Variants in PLCE1 observed in about 807,000 individuals in gnomAD.
The protein encoded by PLCE1 is 1-phosphatidylinositol 4,5-bisphosphate phosphodiesterase epsilon-1.
A neutral mutation model predicts 242.8 loss-of-function variants in PLCE1; 119 were observed. The ratio of observed to expected loss-of-function variants is 0.49; its 90% CI spans 0.42 to 0.57. The LOEUF (loss-of-function observed/expected upper bound fraction) is 0.57, where lower values mean the gene tolerates loss of function less well. Ranked by LOEUF, PLCE1 falls within the 20% of genes least tolerant of loss-of-function variation. The probability of loss-of-function intolerance (pLI) is 0.00; values close to 1 mark genes in which losing one functional copy is unlikely to be tolerated. For missense variants in PLCE1, 2,441 were observed against 2,788.8 expected (o/e 0.88, Z 2.81); for synonymous variants, 945 against 1,017.4 (o/e 0.93, Z 1.35).
At chr10:94,192,794 C>T (rs2048709142) in intron 4 of PLCE1, among the ~76,000 whole-genome samples, 2 of 152,178 alleles carry the variant, frequency 1.3e-5, no homozygotes. Flanking sequence ...TACATTCTCA[C>T]CAACAATGCA....
At position 94,327,986 on chromosome 10, in the gene PLCE1, G is replaced by A. The variant is rs191878411; in HGVS notation, c.*43G>A. The stretch of plus-strand genomic sequence containing the variant: ...ATTACAGGTGAAGATCTTTAAGCAA[G>A]AAGTTAAAGAGTGAACATGGTGGAA... On this transcript the variant is annotated 3_prime_UTR_variant, in exon 33 of 33. Coordinates refer to ENST00000371380, the MANE Select transcript of PLCE1 (RefSeq NM_016341.4). 7.5e-6 allele frequency: 4 copies of A among 532,542 alleles called. No homozygotes were observed. The East Asian group carries it at 2.2e-4, about 29-fold the overall frequency. 33.0% of individuals were successfully genotyped at this position (532,542 alleles called of 1,614,324 possible).
chr10:94,024,335 T>C (rs2061423152), intron 1 of PLCE1, among the ~76,000 whole-genome samples: 1 of 152,190 alleles, frequency 6.6e-6, no homozygotes, highest in African/African-American at 2.4e-5. Flanking sequence ...GCAGTTACTT[T>C]AGTGTCTCTT....
At chr10:94,204,100 A>C (rs1010515651) in intron 4 of PLCE1, among the ~76,000 whole-genome samples, 2 of 152,172 alleles carry the variant, frequency 1.3e-5, no homozygotes, top group Non-Finnish European at 2.9e-5. Context: ...ATTTTTTTAA[A>C]TGGTAGAATA....
At chr10:94,181,436 C>T (rs1004011326) in intron 4 of PLCE1, among the ~76,000 whole-genome samples, 14 of 151,756 alleles carry the variant, frequency 9.2e-5, no homozygotes, top group African/African-American at 3.1e-4. Flanking sequence ...ATTAGCCGGG[C>T]GTGGTGGCAG....
At chr10:94,213,861 C>A (rs964766834) in intron 4 of PLCE1, among the ~76,000 whole-genome samples, 1 of 152,152 alleles carries the variant, frequency 6.6e-6, no homozygotes, top group South Asian at 2.1e-4. Context: ...CTCCAAGCAC[C>A]GGAGCCCTTC....
At position 94,329,471 on chromosome 10, in the gene PLCE1, A is replaced by G. The variant is rs549001186; in HGVS notation, c.*1528A>G. ...TCCCCATGTGTTTCTTGCATATTCT[A>G]AAAACAGAAGTGTTAAAAATACACC... On this transcript the variant is annotated 3_prime_UTR_variant, in exon 33 of 33. Coordinates refer to ENST00000371380, the MANE Select transcript of PLCE1 (RefSeq NM_016341.4). The G allele has an allele frequency of 7.9e-5, 12 of 152,306 alleles. No individual in the cohort carries two copies. The East Asian group carries it at 2.1e-3, about 27-fold the overall frequency. 9.4% of individuals were successfully genotyped at this position (152,306 alleles called of 1,614,324 possible).
rs58539480 is a variant in PLCE1 at position 94,306,473 on chromosome 10, C to T, written c.5669C>T (p.Pro1890Leu). 3,774 of 1,614,086 alleles carry T rather than the reference C, an allele frequency of 2.3e-3. 93 individuals carry two copies. In the African/African-American group the frequency reaches 0.043, roughly 18 times the overall value. ...NVCPSNSMGS[P>L]CIEVDVLGMP... ...TGCCCCAGTAATAGCATGGGAAGCC[C>T]GTGCATTGAAGTCGACGTCCTGGGC... The change falls in exon 26 of 33, where the codon CCG becomes CTG. Residue 1890 changes from proline to leucine, a missense_variant. Coordinates refer to ENST00000371380, the MANE Select transcript of PLCE1 (RefSeq NM_016341.4). This position sits in a 1 kb window ranked among gnomAD's most constrained non-coding sequence, Gnocchi z 5.7.
rs2050098919 is a variant in PLCE1 at position 94,230,307 on chromosome 10, C to CA, written c.1955+2861dup. ...AGGTAATGGAATATTATATAGCCAT[C>CA]AAAAATGATGTTTATAAAAAACAAA... On this transcript the variant is annotated intron_variant, in intron 5 of 32. Coordinates refer to ENST00000371380, the MANE Select transcript of PLCE1 (RefSeq NM_016341.4). Among the ~76,000 whole-genome samples the CA allele has an allele frequency of 4.6e-5, 7 of 152,170 alleles. No individual in the cohort carries two copies. In the South Asian group the frequency reaches 1.5e-3, roughly 32 times the overall value.
intron 1 of PLCE1, among the ~76,000 whole-genome samples, chr10:94,010,926 G>A (rs1241525592): frequency 6.6e-6 from 1 of 152,066 alleles, no homozygotes; most frequent in Non-Finnish European, 1.5e-5. Context: ...CCATCTTTCT[G>A]TCTTTTTCTG....
At chr10:94,000,361 A>G (rs1403281980) in intron 1 of PLCE1, among the ~76,000 whole-genome samples, 1 of 152,242 alleles carries the variant, frequency 6.6e-6, no homozygotes, top group East Asian at 1.9e-4. Context: ...TGTGCAAGAT[A>G]CTTGGCCTGT....
chr10:94,270,532 T>G lies in PLCE1; in HGVS notation c.4436T>G (p.Leu1479Arg). ...IDRSAFINSD[L>R]PIIISIENHC... is the part of the protein sequence containing the mutation. ...CGCAGTGCCTTCATCAACTCTGACC[T>G]GCCAATCATCATATCGATTGAGAAC... Residue 1479 changes from leucine (L) to arginine (R), a missense_variant, in exon 18 of 33, where the codon CTG becomes CGG. Physicochemically the swap from Leu to Arg is moderately radical, Grantham distance 102. Coordinates refer to ENST00000371380, the MANE Select transcript of PLCE1 (RefSeq NM_016341.4). 6.2e-7 allele frequency: 1 copy of G among 1,614,088 alleles called. No individual in the cohort carries two copies. The highest frequency in any genetic ancestry group is 8.5e-7 in the Non-Finnish European group (1 of 1,179,930).
At chr10:94,127,043 C>T (rs188067653) in intron 2 of PLCE1, among the ~76,000 whole-genome samples, 9 of 152,314 alleles carry the variant, frequency 5.9e-5, no homozygotes, top group Admixed American at 3.9e-4. Context: ...CTGTATTTCT[C>T]TACTTCTCTA....
At chr10:94,170,185 A>G (rs1398925060) in intron 3 of PLCE1, among the ~76,000 whole-genome samples, 1 of 152,190 alleles carries the variant, frequency 6.6e-6, no homozygotes. Flanking sequence ...GATGACAGGT[A>G]TTTCCAGGAA....
At chr10:94,237,941 C>T (rs1226350326) in intron 7 of PLCE1, among the ~76,000 whole-genome samples, 1 of 152,178 alleles carries the variant, frequency 6.6e-6, no homozygotes, top group Non-Finnish European at 1.5e-5. Flanking sequence ...CCTCTAGCCC[C>T]TGTTCACTTG....
At chr10:94,300,128 A>G (rs1329164982) in intron 24 of PLCE1, among the ~76,000 whole-genome samples, 3 of 152,166 alleles carry the variant, frequency 2.0e-5, no homozygotes, top group African/African-American at 7.2e-5. Flanking sequence ...AACTGAAGTC[A>G]CTATCAAAAG....
At chr10:94,063,270 T>A (rs780393148) in intron 2 of PLCE1, among the ~76,000 whole-genome samples, 15 of 152,220 alleles carry the variant, frequency 9.9e-5, no homozygotes, top group Non-Finnish European at 2.1e-4. Flanking sequence ...CCCACCTTCT[T>A]CTGTGGGAAA....
intron 4 of PLCE1, among the ~76,000 whole-genome samples, chr10:94,218,995 AATT>A (rs1247486150): frequency 2.7e-5 from 4 of 147,792 alleles, no homozygotes; most frequent in South Asian, 2.1e-4. Context: ...ATATATAAAT[AATT>A]ATTAATTGTT....
intron 2 of PLCE1, among the ~76,000 whole-genome samples, chr10:94,065,515 C>T (rs2044173484): frequency 6.6e-6 from 1 of 152,158 alleles, no homozygotes; most frequent in Non-Finnish European, 1.5e-5. Context: ...ATGAATTCTA[C>T]AGGCCTCACT....
chr10:94,115,090 C>T (rs894673745), intron 2 of PLCE1, among the ~76,000 whole-genome samples: 1 of 151,090 alleles, frequency 6.6e-6, no homozygotes, highest in Non-Finnish European at 1.5e-5. Flanking sequence ...CTACAAAGGA[C>T]ATGAACTCAT....
Sources: gnomAD v4.1 joint callset for allele counts (sites outside exome capture counted in the v4.1 genomes callset) on GRCh38, gnomAD v4.1.1 for gene constraint, Gnocchi (gnomAD v3.1) non-coding constraint, MANE v1.5 for transcripts, NCBI Gene and HGNC (gene_info 2026-07-23, HGNC 2026-07-21) for gene names.